The following SPTBN1 variants were observed in gnomAD, a reference collection of about 807,000 sequenced individuals.
The protein encoded by SPTBN1 is spectrin beta, non-erythrocytic 1.
A neutral mutation model predicts 266.4 loss-of-function variants in SPTBN1; 32 were observed. That is an observed-to-expected ratio of 0.12 (90% CI 0.09 to 0.16). SPTBN1 has a LOEUF of 0.16. Ranked by LOEUF, SPTBN1 falls within the 10% of genes least tolerant of loss-of-function variation. The pLI, the probability that SPTBN1 is intolerant of heterozygous loss-of-function variation, is 1.00. For synonymous variants in SPTBN1, 1,336 were observed against 1,162.2 expected (o/e 1.15, Z -3.04); for missense variants, 2,296 against 3,067.1 (o/e 0.75, Z 5.94).
At chr2:54,510,413 C>T (rs923179148) in intron 1 of SPTBN1, among the ~76,000 whole-genome samples, 7 of 152,196 alleles carry the variant, frequency 4.6e-5, no homozygotes, top group South Asian at 2.1e-4. Flanking sequence ...ACAATTTGGT[C>T]CATAACACTC....
intron 2 of SPTBN1, among the ~76,000 whole-genome samples, chr2:54,570,133 G>A (rs745498755): frequency 5.9e-5 from 9 of 152,276 alleles, no homozygotes; most frequent in East Asian, 1.9e-4. Context: ...TCAGAGAGCC[G>A]CCTTTGTCAG....
chr2:54,520,630 C>T (rs1369546961), intron 1 of SPTBN1, among the ~76,000 whole-genome samples: 4 of 151,974 alleles, frequency 2.6e-5, no homozygotes, highest in Non-Finnish European at 5.9e-5. Flanking sequence ...CCTTTTTATA[C>T]ATACACACAC....
At chr2:54,666,158 C>G (rs1681353260) in intron 34 of SPTBN1, 70 bp downstream of exon 34, 9 of 1,456,480 alleles carry the variant, frequency 6.2e-6, no homozygotes, top group Non-Finnish European at 6.5e-6. Context: ...GTTTGGTTTT[C>G]TTATACAGCT....
chr2:54,644,176 T>C, intron 19 of SPTBN1, 147 bp from the exon 20 acceptor site: 2 of 1,006,270 alleles, frequency 2.0e-6, no homozygotes, highest in Non-Finnish European at 1.4e-6. Context: ...TTGTTGATTT[T>C]ATTGAGCAGT....
chr2:54,599,068 A>G, intron 2 of SPTBN1, 24 bp from the exon 3 acceptor site: 1 of 1,612,224 alleles, frequency 6.2e-7, no homozygotes, highest in African/African-American at 1.3e-5. Context: ...GTCAATGGTA[A>G]AACAAGTTCT....
At chr2:54,612,438 G>A (rs975032123) in intron 4 of SPTBN1, 104 bp downstream of exon 4, 18 of 1,320,402 alleles carry the variant, frequency 1.4e-5, no homozygotes, top group Non-Finnish European at 1.7e-5. Context: ...GGGAAGACCA[G>A]GTTGAAAGCA....
Position 54,533,349 on chromosome 2 carries a change from AGTGTGTGTGTGTGTGTGTGT to A in SPTBN1, c.148+6810_148+6829del, listed in dbSNP as rs56027497. On this transcript the variant is annotated intron_variant, in intron 2 of 35. Coordinates refer to ENST00000356805, the MANE Select transcript of SPTBN1 (RefSeq NM_003128.3). This position sits in a 1 kb window ranked among gnomAD's most constrained non-coding sequence, Gnocchi z 4.2. ...AGTGAAACCCAGGCTAAAGGGGACT[AGTGTGTGTGTGTGTGTGTGT>A]GTGTGTGTGTGTGTGTGTGTGTGTG... 1.1e-4 allele frequency among the ~76,000 whole-genome samples: 16 copies of A among 141,968 alleles called. No homozygotes were observed. The highest frequency in any genetic ancestry group is 2.1e-4 in the East Asian group (1 of 4,768). 93.1% of individuals were successfully genotyped at this position (141,968 alleles called of 152,430 possible).
intron 1 of SPTBN1, among the ~76,000 whole-genome samples, chr2:54,496,990 A>G (rs546077057): frequency 1.3e-4 from 20 of 152,392 alleles, no homozygotes; most frequent in African/African-American, 4.6e-4. Flanking sequence ...AACACCATAC[A>G]GCTATTACAT....
At position 54,646,935 on chromosome 2, in the gene SPTBN1, T is replaced by G. The variant is rs1433164733; in HGVS notation, c.4867-196T>G. Among the ~76,000 whole-genome samples, 1 of 152,206 alleles carries G rather than the reference T, an allele frequency of 6.6e-6. No individual in the cohort carries two copies. The highest frequency in any genetic ancestry group is 2.4e-5 in the African/African-American group (1 of 41,452). On this transcript the variant is annotated intron_variant, in intron 23 of 35. Coordinates refer to ENST00000356805, the MANE Select transcript of SPTBN1 (RefSeq NM_003128.3). This position sits in a 1 kb window ranked among gnomAD's most constrained non-coding sequence, Gnocchi z 4.4. ...TTCTGCGTTCTCCTTGTGTTTATCT[T>G]CTGCACAGGCTTCTGTGGTCCAGTC...
intron 1 of SPTBN1, among the ~76,000 whole-genome samples, chr2:54,473,099 A>G (rs1694008610): frequency 6.6e-6 from 1 of 152,158 alleles, no homozygotes; most frequent in Admixed American, 6.5e-5. Context: ...TCATATGTGT[A>G]AGTCTTGAAT....
intron 2 of SPTBN1, among the ~76,000 whole-genome samples, chr2:54,578,699 C>T (rs1204948837): frequency 6.6e-6 from 1 of 151,938 alleles, no homozygotes; most frequent in African/African-American, 2.4e-5. Flanking sequence ...TTATACCCTG[C>T]CCACTTCCAG....
chr2:54,500,957 C>G (rs989425233), intron 1 of SPTBN1, among the ~76,000 whole-genome samples: 1 of 152,230 alleles, frequency 6.6e-6, no homozygotes, highest in Non-Finnish European at 1.5e-5. Context: ...CCAGTCCTCT[C>G]TTTATAGACG....
intron 2 of SPTBN1, among the ~76,000 whole-genome samples, chr2:54,566,701 C>T (rs1452388961): frequency 6.6e-6 from 1 of 151,908 alleles, no homozygotes; most frequent in Admixed American, 6.5e-5. Context: ...CATGGTGGTA[C>T]ACGCCTGTAG....
intron 1 of SPTBN1, among the ~76,000 whole-genome samples, chr2:54,493,001 CTTTTTTTTTT>C (rs70944171): frequency 3.2e-3 from 363 of 112,908 alleles, no homozygotes; most frequent in African/African-American, 0.012. Flanking sequence ...AATAACATAT[CTTTTTTTTTT>C]TTTTTTTTTT....
chr2:54,484,635 A>G (rs1366412853), intron 1 of SPTBN1, among the ~76,000 whole-genome samples: 1 of 152,194 alleles, frequency 6.6e-6, no homozygotes, highest in African/African-American at 2.4e-5. Context: ...GGGTGCCACT[A>G]TTCCTCTATG....
intron 2 of SPTBN1, 80 bp from the exon 3 acceptor site, chr2:54,599,012 G>A (rs754976056): frequency 2.9e-5 from 45 of 1,533,790 alleles, no homozygotes; most frequent in South Asian, 9.9e-5. Flanking sequence ...CTCTGGCTGG[G>A]GTCTTGTGGC....
chr2:54,558,878 C>G lies in SPTBN1; in HGVS notation c.148+32312C>G. 1 of 1,613,496 alleles carries G rather than the reference C, an allele frequency of 6.2e-7. No individual in the cohort carries two copies. The highest frequency in any genetic ancestry group is 8.5e-7 in the Non-Finnish European group (1 of 1,179,638). ...CAACCAGCTGGAAGGCAGATTCAAG[C>G]AGCTGCAAGGTAAGCCCCCTCCCAA... On this transcript the variant is annotated intron_variant, in intron 2 of 35. Transcript: ENST00000356805. The surrounding 1 kb of genome is among the most constrained non-coding windows in gnomAD (Gnocchi z 4.6).
At chr2:54,482,917 G>A (rs1321267700) in intron 1 of SPTBN1, among the ~76,000 whole-genome samples, 1 of 152,192 alleles carries the variant, frequency 6.6e-6, no homozygotes, top group Non-Finnish European at 1.5e-5. Flanking sequence ...TTTGGCACCA[G>A]AAGCCCCACA....
chr2:54,484,759 C>G (rs988213508), intron 1 of SPTBN1, among the ~76,000 whole-genome samples: 2 of 66,932 alleles, frequency 3.0e-5, no homozygotes. Context: ...CTGTACCCGG[C>G]GTGGGGTGGT....
Sources: gnomAD v4.1 joint callset for allele counts (sites outside exome capture counted in the v4.1 genomes callset) on GRCh38, gnomAD v4.1.1 for gene constraint, Gnocchi (gnomAD v3.1) non-coding constraint, MANE v1.5 for transcripts, NCBI Gene and HGNC (gene_info 2026-07-23, HGNC 2026-07-21) for gene names.